OR51B5: variants seen among roughly 807,000 people sequenced by gnomAD.
OR51B5 encodes olfactory receptor family 51 subfamily B member 5.
For synonymous variants in OR51B5, 186 were observed against 144.8 expected, an observed-to-expected ratio of 1.28 and a Z score of -2.04; for missense variants, 456 against 374.6, an observed-to-expected ratio of 1.22 and a Z score of -1.79.
Position 5,373,951 on chromosome 11 carries a change from CCTGT to C in OR51B5, n.85-27045_85-27042del, listed in dbSNP as rs1291340141. ...AGTAACCTCTGCAGACTTAAATGTCCCTGTCTGACAGCTTTGAGGAGAGCAGTGG... is the reference window on the plus strand; with the variant it reads ...AGTAACCTCTGCAGACTTAAATGTCCCTGACAGCTTTGAGGAGAGCAGTGG... On this transcript the variant is annotated intron_variant and non_coding_transcript_variant, in intron 1 of 4. Transcript: ENST00000415970. 3.3e-5 allele frequency among the ~76,000 whole-genome samples: 5 copies of C among 152,138 alleles called. No individual in the cohort carries two copies. The East Asian group carries it at 7.7e-4, about 23-fold the overall frequency.
In OR51B5 at chr11:5,362,025, A is replaced by G. The variant is rs116166755; in HGVS notation, n.85-15115T>C. Among the ~76,000 whole-genome samples the G allele has an allele frequency of 4.1e-3, 622 of 152,320 alleles. 3 individuals are homozygous for G. Among genetic ancestry groups the G allele is most frequent in the African/African-American group, 0.013 (532 of 41,558 alleles). ...GATTAGTGTCAGATTGAGTAAAGCA[A>G]ACTTTGACATGAGGCACAATGCTTT... is the stretch of plus-strand genomic sequence containing the variant. On this transcript the variant is annotated intron_variant and non_coding_transcript_variant, in intron 1 of 4. Transcript: ENST00000415970.
At chr11:5,415,603 G>T (rs577989035) in intron 1 of OR51B5, among the ~76,000 whole-genome samples, 7 of 152,170 alleles carry the variant, frequency 4.6e-5, no homozygotes, top group African/African-American at 7.2e-5. Context: ...TATCACCACC[G>T]ATCCCACAGA....
intron 1 of OR51B5, chr11:5,403,546 A>C (rs1470068521): frequency 2.1e-6 from 1 of 468,654 alleles, no homozygotes; most frequent in East Asian, 7.0e-5. Flanking sequence ...CGCAGAGTGT[A>C]GCCAAAAACC....
intron 1 of OR51B5, among the ~76,000 whole-genome samples, chr11:5,381,159 T>TTTTC (rs1849604113): frequency 1.8e-5 from 2 of 110,060 alleles, no homozygotes; most frequent in Non-Finnish European, 4.2e-5. Context: ...CGCTCGCTGT[T>TTTTC]TCTCTCTCTC....
intron 1 of OR51B5, among the ~76,000 whole-genome samples, chr11:5,378,064 T>C (rs1251511609): frequency 1.3e-5 from 2 of 152,024 alleles, no homozygotes; most frequent in Admixed American, 6.5e-5. Flanking sequence ...CAAACTATAC[T>C]ACAAGGCTAC....
intron 1 of OR51B5, among the ~76,000 whole-genome samples, chr11:5,434,648 C>T (rs1589994317): frequency 6.6e-6 from 1 of 152,174 alleles, no homozygotes; most frequent in Non-Finnish European, 1.5e-5. Context: ...AAAAGAGGAA[C>T]ATGCAGGACA....
intron 1 of OR51B5, among the ~76,000 whole-genome samples, chr11:5,490,781 T>C (rs1851569565): frequency 6.6e-6 from 1 of 152,350 alleles, no homozygotes; most frequent in African/African-American, 2.4e-5. Context: ...CTTCCTTATC[T>C]ACTAGCTGCA....
intron 1 of OR51B5, chr11:5,489,016 A>G: frequency 6.2e-7 from 1 of 1,613,992 alleles, no homozygotes; most frequent in Non-Finnish European, 8.5e-7. Context: ...CCTGGCCCAG[A>G]TGTTTTGTGT....
chr11:5,418,291 A>G (rs1161601564), intron 1 of OR51B5, among the ~76,000 whole-genome samples: 8 of 152,046 alleles, frequency 5.3e-5, no homozygotes, highest in Admixed American at 3.9e-4. Flanking sequence ...GCATTGGGAG[A>G]TATACCTAAT....
intron 1 of OR51B5, among the ~76,000 whole-genome samples, chr11:5,350,825 C>T (rs1050132311): frequency 6.6e-6 from 1 of 152,116 alleles, no homozygotes; most frequent in Admixed American, 6.5e-5. Flanking sequence ...GTTCTATGTG[C>T]TTTGGAAACA....
At chr11:5,458,937 C>T (rs2133792188) in intron 1 of OR51B5, among the ~76,000 whole-genome samples, 1 of 152,246 alleles carries the variant, frequency 6.6e-6, no homozygotes, top group South Asian at 2.1e-4. Flanking sequence ...CATTTGGATG[C>T]CTTTTATTTC....
chr11:5,365,579 G>A (rs1233962033), intron 1 of OR51B5, among the ~76,000 whole-genome samples: 4 of 152,030 alleles, frequency 2.6e-5, no homozygotes, highest in East Asian at 1.9e-4. Context: ...AAACATTATC[G>A]AGATGCACAT....
intron 1 of OR51B5, among the ~76,000 whole-genome samples, chr11:5,504,295 C>G (rs1846342263): frequency 1.3e-5 from 2 of 152,158 alleles, no homozygotes; most frequent in Non-Finnish European, 2.9e-5. Context: ...TAATTGTTAT[C>G]CACATCAGCT....
intron 1 of OR51B5, among the ~76,000 whole-genome samples, chr11:5,394,574 T>C (rs1475374527): frequency 6.6e-6 from 1 of 152,232 alleles, no homozygotes; most frequent in Admixed American, 6.5e-5. Flanking sequence ...ATACTGTATT[T>C]GTAAAACACA....
chr11:5,422,237 T>TCACCAC, intron 1 of OR51B5: 1 of 1,613,414 alleles, frequency 6.2e-7, no homozygotes, highest in African/African-American at 1.3e-5. Flanking sequence ...AGAAGGCATC[T>TCACCAC]ACTTCATCCT....
intron 1 of OR51B5, among the ~76,000 whole-genome samples, chr11:5,468,064 A>G (rs986313172): frequency 2.0e-5 from 3 of 152,210 alleles, no homozygotes; most frequent in Non-Finnish European, 2.9e-5. Flanking sequence ...TTAGTTTTTG[A>G]GTTTAAAGAT....
chr11:5,428,535 A>T (rs1226292986), intron 1 of OR51B5, among the ~76,000 whole-genome samples: 3 of 151,792 alleles, frequency 2.0e-5, no homozygotes, highest in African/African-American at 7.3e-5. Flanking sequence ...AAGCATGTAA[A>T]ATGATCCATG....
At chr11:5,344,810 A>G (rs1486643561), upstream of OR51B5, among the ~76,000 whole-genome samples, 1 of 152,222 alleles carries the variant, frequency 6.6e-6, no homozygotes, top group African/African-American at 2.4e-5. Flanking sequence ...AAAATAAATA[A>G]GACAATTTTA....
At chr11:5,477,314 G>C (rs1490825748) in intron 1 of OR51B5, among the ~76,000 whole-genome samples, 2 of 152,156 alleles carry the variant, frequency 1.3e-5, no homozygotes, top group African/African-American at 4.8e-5. Flanking sequence ...CTTGAGATGA[G>C]CACAGAGGTG....
Sources: allele counts gnomAD v4.1 joint callset (sites outside exome capture counted in the v4.1 genomes callset), GRCh38; gene constraint gnomAD v4.1.1; transcripts MANE v1.5; gene names NCBI Gene and HGNC (gene_info 2026-07-23, HGNC 2026-07-21).